The following MAPK14 variants were observed in gnomAD, a reference collection of about 807,000 sequenced individuals.
MAPK14 encodes the protein CSAID-binding protein.
MAPK14 carries 16 observed loss-of-function variants against 49.6 expected under a neutral mutation model. The observed-to-expected ratio is 0.32, with a 90% confidence interval of 0.22 to 0.49. The LOEUF is 0.49. Ranked by LOEUF, MAPK14 falls within the 20% of genes least tolerant of loss-of-function variation. The probability of loss-of-function intolerance (pLI) is 0.99; values close to 1 mark genes in which losing one functional copy is unlikely to be tolerated. For missense variants in MAPK14, 200 were observed against 441.2 expected (o/e 0.45, Z 4.90); for synonymous variants, 142 against 158.0 (o/e 0.90, Z 0.76).
downstream of MAPK14, among the ~76,000 whole-genome samples, chr6:36,113,098 T>A (rs148726009): frequency 5.6e-3 from 859 of 152,282 alleles, 7 homozygotes; most frequent in African/African-American, 0.019. Context: ...AATGCAGATA[T>A]GTTTTAATAA....
intron 1 of MAPK14, among the ~76,000 whole-genome samples, chr6:36,046,116 T>C (rs1301104174): frequency 6.6e-6 from 1 of 151,974 alleles, no homozygotes; most frequent in Non-Finnish European, 1.5e-5. Flanking sequence ...TGATTATCCT[T>C]GTGTGTTATG....
intron 3 of MAPK14, among the ~76,000 whole-genome samples, chr6:36,070,921 A>G (rs1359711258): frequency 6.6e-6 from 1 of 152,250 alleles, no homozygotes; most frequent in Non-Finnish European, 1.5e-5. Context: ...TTCATAAAAA[A>G]ATGAAAATAG....
At chr6:36,051,868 ACT>A (rs1458116507) in intron 1 of MAPK14, among the ~76,000 whole-genome samples, 3 of 151,806 alleles carry the variant, frequency 2.0e-5, no homozygotes, top group Admixed American at 6.6e-5. Context: ...GTGGGTAAAG[ACT>A]CTATAAACAT....
chr6:36,030,328 CTTTTA>C (rs995826913), intron 1 of MAPK14, among the ~76,000 whole-genome samples: 3 of 152,170 alleles, frequency 2.0e-5, no homozygotes, highest in Non-Finnish European at 2.9e-5. Context: ...CTTAAAAGTA[CTTTTA>C]TTTTATTGAA....
chr6:36,114,841 G>A (rs1172371212), downstream of MAPK14, among the ~76,000 whole-genome samples: 1 of 152,096 alleles, frequency 6.6e-6, no homozygotes, highest in African/African-American at 2.4e-5. Flanking sequence ...TAAACTGGGG[G>A]TATGACTACA....
intron 8 of MAPK14, 109 bp downstream of exon 8, chr6:36,076,717 A>G (rs540582625): frequency 5.5e-6 from 4 of 726,934 alleles, no homozygotes; most frequent in Admixed American, 5.8e-5. Context: ...TTTTGCTTTT[A>G]TAGTCTAGAT....
rs548935676 is a variant in MAPK14, at chr6:36,045,279, G to T, written c.117-7420G>T. On this transcript the variant is annotated intron_variant, in intron 1 of 11. Transcript: ENST00000229794. ...AAACCCACTATTATATTCTTTTAAA[G>T]ATGTTGATTAGGACATTTTTACCAC... Among the ~76,000 whole-genome samples the T allele has an allele frequency of 2.6e-5, 4 of 152,268 alleles. No homozygotes were observed. The South Asian group carries it at 6.2e-4, about 24-fold the overall frequency.
chr6:36,115,557 G>A (rs1460129185), downstream of MAPK14, among the ~76,000 whole-genome samples: 1 of 151,994 alleles, frequency 6.6e-6, no homozygotes, highest in Admixed American at 6.6e-5. Context: ...GGCTGAGGCG[G>A]GCAGAACACT....
chr6:36,039,842 A>T (rs550698899), intron 1 of MAPK14, among the ~76,000 whole-genome samples: 78 of 152,064 alleles, frequency 5.1e-4, no homozygotes, highest in African/African-American at 1.8e-3. Flanking sequence ...CCATCTCTAC[A>T]AAAATTAGTT....
intron 2 of MAPK14, among the ~76,000 whole-genome samples, chr6:36,054,809 A>T (rs1480761983): frequency 5.3e-5 from 8 of 152,202 alleles, no homozygotes; most frequent in African/African-American, 1.9e-4. Context: ...CTTTTTTAAA[A>T]AATTACTGTT....
chr6:36,042,818 T>G (rs72657685), intron 1 of MAPK14, among the ~76,000 whole-genome samples: 1 of 151,950 alleles, frequency 6.6e-6, no homozygotes, highest in Non-Finnish European at 1.5e-5. Context: ...TCTTATAAAA[T>G]CATTCTACTT....
chr6:36,118,914 G>GCC, the MAPK14 span, among the ~76,000 whole-genome samples: 1 of 152,076 alleles, frequency 6.6e-6, no homozygotes, highest in Non-Finnish European at 1.5e-5. Context: ...TGAGTCAGGT[G>GCC]CCCCCCTCCA....
At chr6:36,070,610 A>G (rs1764231539) in intron 3 of MAPK14, among the ~76,000 whole-genome samples, 1 of 152,108 alleles carries the variant, frequency 6.6e-6, no homozygotes, top group Non-Finnish European at 1.5e-5. Context: ...TTTAGAGTCT[A>G]CTCTTTCCTC....
chr6:36,059,035 G>A lies in MAPK14; in HGVS notation c.247-254G>A, dbSNP rs182181157. ...CTCCCGAGTAGCTGGGATTACAGGC[G>A]CCCGCCACCACACCTGGCTAATGTT... On this transcript the variant is annotated intron_variant, in intron 2 of 11. Transcript: ENST00000229794. Among the ~76,000 whole-genome samples the A allele has an allele frequency of 5.3e-4, 81 of 151,932 alleles. 1 individual carries two copies. The East Asian group carries it at 0.013, about 25-fold the overall frequency.
chr6:36,087,225 T>C (rs1765020730), intron 8 of MAPK14, among the ~76,000 whole-genome samples: 1 of 150,332 alleles, frequency 6.7e-6, no homozygotes, highest in African/African-American at 2.4e-5. Context: ...CCTTCAAAAC[T>C]GGCACAAGGA....
At chr6:36,092,205 A>G in intron 8 of MAPK14, 1 of 542,348 alleles carries the variant, frequency 1.8e-6, no homozygotes, top group East Asian at 5.0e-5. Flanking sequence ...CATCTCCGTT[A>G]ATGATTACTG....
rs1765837157 is a variant in MAPK14 at position 36,107,578 on chromosome 6, C to G, written c.965C>G (p.Pro322Arg). 6.2e-7 allele frequency: 1 copy of G among 1,604,806 alleles called. No individual in the cohort carries two copies. The highest frequency in any genetic ancestry group is 8.5e-7 in the Non-Finnish European group (1 of 1,175,738). The change falls in exon 11 of 12, where the codon CCT (proline) becomes CGT (arginine). Residue 322 changes from proline to arginine, a missense_variant. By Grantham distance (103) the Pro-to-Arg change is moderately radical (BLOSUM62 -2). This residue lies in a region of MAPK14 where 170 missense variants were observed against 407.0 expected (regional missense o/e 0.42). Coordinates refer to ENST00000229794, the MANE Select transcript of MAPK14 (RefSeq NM_139012.3). The surrounding 1 kb of genome is among the most constrained non-coding windows in gnomAD (Gnocchi z 4.3). ...HDPDDEPVAD[P>R]YDQSFESRDL... ...CCTGATGATGAACCAGTGGCCGATCCTTATGATCAGTCCTTTGAAAGCAGG... is the reference window on the plus strand; with the variant it reads ...CCTGATGATGAACCAGTGGCCGATCGTTATGATCAGTCCTTTGAAAGCAGG...
At position 36,076,620 on chromosome 6, in the gene MAPK14, A is replaced by G. The variant is rs1437118189; in HGVS notation, c.682+12A>G. 6.2e-7 allele frequency: 1 copy of G among 1,609,388 alleles called. No individual in the cohort carries two copies. The stretch of plus-strand genomic sequence containing the variant: ...TCCTGGTACAGACCGTATCCTTTAA[A>G]AAGTTTTGGATTCTTGTTTCTTATC... On this transcript the variant is annotated intron_variant, in intron 8 of 11. Coordinates refer to ENST00000229794, the MANE Select transcript of MAPK14 (RefSeq NM_139012.3).
At chr6:36,119,245 T>G in the MAPK14 span, among the ~76,000 whole-genome samples, 7 of 152,326 alleles carry the variant, frequency 4.6e-5, no homozygotes, top group South Asian at 1.0e-3. Context: ...GGTCAAAGAT[T>G]TAAATGGAGA....
Sources: allele counts gnomAD v4.1 joint callset (sites outside exome capture counted in the v4.1 genomes callset), GRCh38; gene constraint gnomAD v4.1.1; regional missense constraint gnomAD v4.1.1; non-coding constraint Gnocchi (gnomAD v3.1); transcripts MANE v1.5; gene names NCBI Gene and HGNC (gene_info 2026-07-23, HGNC 2026-07-21).